The following CSMD2 variants were observed in gnomAD, a reference collection of about 807,000 sequenced individuals.
The protein encoded by CSMD2 is CUB and Sushi multiple domains 2.
CSMD2 carries 130 observed loss-of-function variants against 398.5 expected under a neutral mutation model. The observed-to-expected ratio is 0.33, with a 90% confidence interval of 0.28 to 0.38. CSMD2 has a LOEUF of 0.38. Ranked by LOEUF, CSMD2 falls within the 10% of genes least tolerant of loss-of-function variation. The pLI is 1.00. For synonymous variants in CSMD2, 1,828 were observed against 1,908.5 expected (o/e 0.96, Z 1.10); for missense variants, 3,829 against 4,764.9 (o/e 0.80, Z 5.78).
At chr1:34,008,967 C>CA (rs1171005897) in intron 3 of CSMD2, among the ~76,000 whole-genome samples, 5 of 152,050 alleles carry the variant, frequency 3.3e-5, no homozygotes, top group African/African-American at 1.2e-4. Flanking sequence ...GTGAGCTCCC[C>CA]AGCTTTCTTT....
At chr1:33,699,712 A>G (rs1301389359) in intron 23 of CSMD2, among the ~76,000 whole-genome samples, 2 of 152,168 alleles carry the variant, frequency 1.3e-5, no homozygotes, top group Non-Finnish European at 2.9e-5. Context: ...CATACCATAC[A>G]TTCTCCCACC....
intron 10 of CSMD2, among the ~76,000 whole-genome samples, chr1:33,793,241 G>C (rs934416050): frequency 2.0e-5 from 3 of 152,188 alleles, no homozygotes; most frequent in Non-Finnish European, 4.4e-5. Context: ...CTGGAGTCAG[G>C]GGCAGGTGCT....
intron 5 of CSMD2, among the ~76,000 whole-genome samples, chr1:33,886,989 A>G (rs1476556062): frequency 6.6e-6 from 1 of 151,638 alleles, no homozygotes; most frequent in Non-Finnish European, 1.5e-5. Flanking sequence ...TTTTTTTTAA[A>G]TTTATTTAAA....
chr1:33,964,458 AT>A (rs1334660509), intron 3 of CSMD2, among the ~76,000 whole-genome samples: 1 of 152,180 alleles, frequency 6.6e-6, no homozygotes, highest in Non-Finnish European at 1.5e-5. Context: ...TTTGGAGGTA[AT>A]TGCTGGATGA....
At chr1:33,815,924 A>C (rs529356829) in intron 9 of CSMD2, among the ~76,000 whole-genome samples, 1 of 152,186 alleles carries the variant, frequency 6.6e-6, no homozygotes, top group Non-Finnish European at 1.5e-5. Flanking sequence ...GAGATCTGAA[A>C]ATAGAACTCT....
intron 3 of CSMD2, among the ~76,000 whole-genome samples, chr1:33,981,639 T>C (rs1646169992): frequency 6.6e-6 from 1 of 152,232 alleles, no homozygotes; most frequent in Admixed American, 6.5e-5. Context: ...ACTAGATATG[T>C]TGCCACTCTC....
intron 6 of CSMD2, among the ~76,000 whole-genome samples, chr1:33,836,337 C>T (rs1361700197): frequency 6.6e-6 from 1 of 152,198 alleles, no homozygotes; most frequent in Non-Finnish European, 1.5e-5. Context: ...GGCAGTCTGC[C>T]CGCTCTCAGA....
rs1162443787 is a variant in CSMD2, at chr1:33,709,073, A to C, written c.3576+16T>G. The C allele has an allele frequency of 6.2e-7, 1 of 1,602,732 alleles. No individual in the cohort carries two copies. The highest frequency in any genetic ancestry group is 1.1e-5 in the South Asian group (1 of 88,804). Reference sequence around the variant, plus strand: ...GCATACTATAACACACATACTCTGAAATCGATCAATTTTACCTTGAGGACA... The same window carrying C: ...GCATACTATAACACACATACTCTGACATCGATCAATTTTACCTTGAGGACA... On this transcript the variant is annotated intron_variant, in intron 22 of 70. Transcript: ENST00000373381.
chr1:33,995,535 G>A (rs530530635), intron 3 of CSMD2, among the ~76,000 whole-genome samples: 2 of 152,238 alleles, frequency 1.3e-5, no homozygotes, highest in South Asian at 4.1e-4. Flanking sequence ...CTCTGCAACC[G>A]GCCTCTGGGT....
intron 1 of CSMD2, among the ~76,000 whole-genome samples, chr1:34,091,267 TA>T (rs1658525109): frequency 6.6e-6 from 1 of 152,220 alleles, no homozygotes; most frequent in Admixed American, 6.5e-5. Context: ...AGGTACATGG[TA>T]AATTCTCAAT....
At chr1:33,521,605 ACT>A in intron 67 of CSMD2, 55 bp from the exon 68 acceptor site, 1 of 1,109,318 alleles carries the variant, frequency 9.0e-7, no homozygotes, top group South Asian at 1.2e-5. Flanking sequence ...AGGATCTAGA[ACT>A]CCTCTCTCAT....
chr1:33,601,554 C>G (rs891908251), intron 43 of CSMD2, among the ~76,000 whole-genome samples: 7 of 152,148 alleles, frequency 4.6e-5, no homozygotes, highest in Admixed American at 4.6e-4. Flanking sequence ...GTTATCCAAG[C>G]CCTGGGAATT....
intron 2 of CSMD2, among the ~76,000 whole-genome samples, chr1:34,080,968 A>AAGAAAGAAAGAAAGAAAGAAAGAC (rs1657024387): frequency 7.7e-6 from 1 of 129,050 alleles, no homozygotes. Context: ...GAAAGAAAGA[A>AAGAAAGAAAGAAAGAAAGAAAGAC]AGAAAGAAAT....
At chr1:33,728,599 CTAATGAAAT>C (rs1323869251) in intron 15 of CSMD2, among the ~76,000 whole-genome samples, 3 of 152,140 alleles carry the variant, frequency 2.0e-5, no homozygotes, top group Non-Finnish European at 4.4e-5. Context: ...GGATACAGAG[CTAATGAAAT>C]TAGAGCTGAG....
At chr1:33,606,907 T>C (rs1436643381) in intron 41 of CSMD2, among the ~76,000 whole-genome samples, 2 of 152,184 alleles carry the variant, frequency 1.3e-5, no homozygotes, top group Non-Finnish European at 2.9e-5. Flanking sequence ...AGGGAGAGGT[T>C]GGCCATATAA....
intron 3 of CSMD2, among the ~76,000 whole-genome samples, chr1:34,027,923 A>G (rs945524894): frequency 6.8e-6 from 1 of 147,396 alleles, no homozygotes; most frequent in Non-Finnish European, 1.5e-5. Context: ...GAGGAGGAGG[A>G]GGAGGTAAGT....
At chr1:33,742,585 C>A (rs1019456935) in intron 14 of CSMD2, among the ~76,000 whole-genome samples, 18 of 140,930 alleles carry the variant, frequency 1.3e-4, no homozygotes, top group East Asian at 9.2e-4. Flanking sequence ...CTGCCCCCCC[C>A]CCCCCAACCC....
At chr1:34,099,220 G>A (rs1049560905) in intron 1 of CSMD2, among the ~76,000 whole-genome samples, 12 of 152,112 alleles carry the variant, frequency 7.9e-5, no homozygotes, top group Admixed American at 6.5e-4. Context: ...AACCTGCCTG[G>A]TAATGTCACT....
At position 33,822,336 on chromosome 1, in the gene CSMD2, T is replaced by C. The variant is rs952903156; in HGVS notation, c.1112-1780A>G. ...ACCTGTGAGGATGCAGGTGGTTTCA[T>C]AGAAGTAAGGAAGGTGGGGAGCTCG... On this transcript the variant is annotated intron_variant, in intron 7 of 70. Coordinates refer to ENST00000373381, the MANE Select transcript of CSMD2 (RefSeq NM_001281956.2). Among the ~76,000 whole-genome samples the C allele has an allele frequency of 3.9e-5, 6 of 152,068 alleles. No individual in the cohort carries two copies. The East Asian group carries it at 9.7e-4, about 24-fold the overall frequency.
Sources: gnomAD v4.1 joint callset for allele counts (sites outside exome capture counted in the v4.1 genomes callset) on GRCh38, gnomAD v4.1.1 for gene constraint, MANE v1.5 for transcripts, NCBI Gene and HGNC (gene_info 2026-07-23, HGNC 2026-07-21) for gene names.